The following ATP10A variants were observed in gnomAD, a reference collection of about 807,000 sequenced individuals.
ATP10A encodes phospholipid-transporting ATPase VA.
In ATP10A, 111 loss-of-function variants were observed where a neutral mutation model predicts 147.8. The ratio of observed to expected loss-of-function variants is 0.75; its 90% CI spans 0.64 to 0.88. The LOEUF (loss-of-function observed/expected upper bound fraction) is 0.88. ATP10A is among the 40% of genes least tolerant of loss of function. The pLI is 0.00. For missense variants in ATP10A, 1,927 were observed against 1,959.0 expected (o/e 0.98, Z 0.31); for synonymous variants, 875 against 841.6 (o/e 1.04, Z -0.69).
chr15:25,732,957 G>C (rs1887034191), intron 3 of ATP10A, among the ~76,000 whole-genome samples: 1 of 152,082 alleles, frequency 6.6e-6, no homozygotes, highest in Non-Finnish European at 1.5e-5. Context: ...TCCAGGATTA[G>C]GAGAAGGCCG....
At chr15:25,689,938 A>C (rs1380317386) in intron 15 of ATP10A, among the ~76,000 whole-genome samples, 3 of 152,252 alleles carry the variant, frequency 2.0e-5, no homozygotes, top group African/African-American at 7.2e-5. Flanking sequence ...TGAGGTCAAT[A>C]GGCACTGCCC....
chr15:25,770,656 G>A (rs951589909), intron 2 of ATP10A, among the ~76,000 whole-genome samples: 2 of 152,148 alleles, frequency 1.3e-5, no homozygotes, highest in African/African-American at 2.4e-5. Flanking sequence ...CCCAGAGGTG[G>A]AGCCAGGCAA....
chr15:25,686,891 T>A (rs1251753627), intron 16 of ATP10A, among the ~76,000 whole-genome samples: 1 of 108,248 alleles, frequency 9.2e-6, no homozygotes, highest in Non-Finnish European at 1.7e-5. Context: ...AAGATCCACA[T>A]GAAATGACCA....
intron 3 of ATP10A, among the ~76,000 whole-genome samples, chr15:25,729,545 T>C (rs1013370403): frequency 1.3e-5 from 2 of 152,104 alleles, no homozygotes; most frequent in African/African-American, 4.8e-5. Context: ...AATCTTCGAG[T>C]GTGCGCCTGT....
intron 10 of ATP10A, chr15:25,708,915 TAC>T (rs1901218685): frequency 6.5e-6 from 1 of 153,246 alleles, no homozygotes; most frequent in Admixed American, 6.5e-5. Flanking sequence ...ATTCTATATA[TAC>T]AGTTTGTGAA....
chr15:25,778,720 G>A (rs913882725), intron 2 of ATP10A, among the ~76,000 whole-genome samples: 13 of 152,110 alleles, frequency 8.5e-5, no homozygotes, highest in African/African-American at 3.1e-4. Flanking sequence ...AGCCGTCCTC[G>A]AGTTTCAAAC....
intron 8 of ATP10A, among the ~76,000 whole-genome samples, chr15:25,717,224 C>T (rs1476585287): frequency 1.4e-5 from 2 of 144,882 alleles, no homozygotes; most frequent in African/African-American, 2.5e-5. Flanking sequence ...TCCATTTTCT[C>T]CAAAACATTA....
chr15:25,701,793 C>T lies in ATP10A; in HGVS notation c.2760+123G>A, dbSNP rs1596712050. ...GGCAATAACATGCACATCCTAAACCCGAATGCGGAGGGTGAGGTCCTTCTA... is the reference window on the plus strand; with the variant it reads ...GGCAATAACATGCACATCCTAAACCTGAATGCGGAGGGTGAGGTCCTTCTA... On this transcript the variant is annotated intron_variant, in intron 13 of 20. Transcript: ENST00000555815. The T allele has an allele frequency of 5.0e-6, 5 of 993,944 alleles. 1 individual carries two copies. The highest frequency in any genetic ancestry group is 3.4e-5 in the South Asian group (2 of 59,512). The allele number at this position is 993,944 out of a possible 1,614,324, so 61.6% of individuals were successfully genotyped here.
At chr15:25,716,241 T>C (rs1054135097) in intron 9 of ATP10A, among the ~76,000 whole-genome samples, 1 of 152,196 alleles carries the variant, frequency 6.6e-6, no homozygotes, top group Non-Finnish European at 1.5e-5. Context: ...TCAGGGTCCA[T>C]GTGCAAGCTC....
At chr15:25,839,700 CAT>C (rs1193523328) in intron 1 of ATP10A, among the ~76,000 whole-genome samples, 1 of 152,102 alleles carries the variant, frequency 6.6e-6, no homozygotes, top group African/African-American at 2.4e-5. Context: ...GACTCCTTAC[CAT>C]TAATAACTCA....
intron 2 of ATP10A, among the ~76,000 whole-genome samples, chr15:25,738,160 G>C (rs1252473256): frequency 1.3e-5 from 2 of 152,034 alleles, no homozygotes; most frequent in African/African-American, 2.4e-5. Context: ...TCCCCATTTA[G>C]GAAATACATT....
chr15:25,720,703 A>G (rs907832901), intron 7 of ATP10A, among the ~76,000 whole-genome samples: 1 of 152,192 alleles, frequency 6.6e-6, no homozygotes, highest in African/African-American at 2.4e-5. Context: ...GTGGCAAATA[A>G]AACTTTAAAC....
intron 1 of ATP10A, among the ~76,000 whole-genome samples, chr15:25,797,045 G>A (rs560979013): frequency 6.6e-6 from 1 of 152,148 alleles, no homozygotes; most frequent in African/African-American, 2.4e-5. Flanking sequence ...TATTAACTAT[G>A]GTCACTGTGC....
At chr15:25,789,435 G>C (rs1031144988) in intron 1 of ATP10A, among the ~76,000 whole-genome samples, 8 of 152,126 alleles carry the variant, frequency 5.3e-5, no homozygotes. Flanking sequence ...AGTGAGGCGA[G>C]CCCTAAATGG....
intron 1 of ATP10A, among the ~76,000 whole-genome samples, chr15:25,798,523 T>G (rs1227364603): frequency 6.6e-6 from 1 of 152,174 alleles, no homozygotes; most frequent in Non-Finnish European, 1.5e-5. Flanking sequence ...AGATGTTGTG[T>G]GTAATTAAAT....
chr15:25,740,983 C>G (rs1362458604), intron 2 of ATP10A, among the ~76,000 whole-genome samples: 2 of 152,236 alleles, frequency 1.3e-5, no homozygotes, highest in Admixed American at 6.5e-5. Flanking sequence ...TGCCATCCTA[C>G]AGCATCAGGC....
In ATP10A at chr15:25,736,108, C is replaced by T. The variant is rs768276893; in HGVS notation, c.688G>A (p.Val230Met). 17 of 1,613,188 alleles carry T rather than the reference C, an allele frequency of 1.1e-5. No homozygotes were observed. The highest frequency in any genetic ancestry group is 3.3e-5 in the Admixed American group (2 of 60,006). The change falls in exon 3 of 21, where the codon GTG (valine) becomes ATG (methionine). Residue 230 changes from valine to methionine, a missense_variant. Val to Met is a conservative substitution (Grantham distance 21, BLOSUM62 1). Transcript: ENST00000555815. ...TTGTTTGGCTTCTCGCATTCGATCA[C>T]GCTGGTGAACGTCAAAGGATTGAAT... The part of the protein sequence containing the change: ...SEFNPLTFTS[V>M]IECEKPNNDL...
intron 2 of ATP10A, among the ~76,000 whole-genome samples, chr15:25,774,700 A>AG (rs1007314893): frequency 6.6e-6 from 1 of 152,104 alleles, no homozygotes; most frequent in African/African-American, 2.4e-5. Context: ...TAAAAAAAAA[A>AG]TCTTCTTCGG....
chr15:25,798,302 G>C (rs1890776648), intron 1 of ATP10A, among the ~76,000 whole-genome samples: 1 of 152,162 alleles, frequency 6.6e-6, no homozygotes, highest in Admixed American at 6.5e-5. Context: ...TATAAGGTCT[G>C]AATTCTACAT....
Sources: gnomAD v4.1 joint callset for allele counts (sites outside exome capture counted in the v4.1 genomes callset) on GRCh38, gnomAD v4.1.1 for gene constraint, MANE v1.5 for transcripts, NCBI Gene and HGNC (gene_info 2026-07-23, HGNC 2026-07-21) for gene names.